PKP1: variants seen among roughly 807,000 people sequenced by gnomAD.
PKP1 encodes the protein plakophilin-1.
PKP1 carries 27 observed loss-of-function variants against 76.4 expected under a neutral mutation model. That is an observed-to-expected ratio of 0.35 (90% confidence interval 0.26 to 0.49). PKP1 has a LOEUF of 0.49. Ranked by LOEUF, PKP1 falls within the 20% of genes least tolerant of loss-of-function variation. The probability of loss-of-function intolerance (pLI) is 0.99; values close to 1 mark genes in which losing one functional copy is unlikely to be tolerated. For missense variants in PKP1, 964 were observed against 955.2 expected, an observed-to-expected ratio of 1.01 and a Z score of -0.12; for synonymous variants, 404 against 384.2, an observed-to-expected ratio of 1.05 and a Z score of -0.60.
chr1:201,316,109 T>TGGACGGACGGAC (rs1333033613), intron 3 of PKP1: 1 of 114,314 alleles, frequency 8.7e-6, no homozygotes, highest in South Asian at 2.1e-4. Context: ...GATGGACAGA[T>TGGACGGACGGAC]GGATGGACGG....
At position 201,283,517 on chromosome 1, in the gene PKP1, G is replaced by A. The variant is rs1364086657; in HGVS notation, c.-186G>A. 1.5e-6 allele frequency: 1 copy of A among 657,414 alleles called. No individual in the cohort carries two copies. Among genetic ancestry groups the A allele is most frequent in the African/African-American group, 1.8e-5 (1 of 56,312 alleles). The allele number at this position is 657,414 out of a possible 1,614,324, so 40.7% of individuals were successfully genotyped here. On this transcript the variant is annotated 5_prime_UTR_variant, in exon 1 of 14. Transcript: ENST00000367324. ...GGGCGGGCCTCGCCAGTGCCAGAGA[G>A]GGACGAACCAGGGTGGAAGCGCCAG...
intron 9 of PKP1, 59 bp downstream of exon 9, chr1:201,323,248 C>G: frequency 6.6e-7 from 1 of 1,511,586 alleles, no homozygotes; most frequent in Admixed American, 1.7e-5. Flanking sequence ...ACCGTCCAGC[C>G]TCTGCTCCCT....
intron 2 of PKP1, among the ~76,000 whole-genome samples, chr1:201,311,035 G>A (rs1772849): frequency 0.5 from 75,662 of 152,172 alleles, 22,835 homozygotes; most frequent in East Asian, 0.74. Context: ...GAGTGTTTGG[G>A]CTTCTCATTA....
intron 5 of PKP1, 136 bp downstream of exon 5, chr1:201,317,915 TC>T (rs1656812778): frequency 1.2e-6 from 1 of 855,744 alleles, no homozygotes; most frequent in African/African-American, 1.7e-5. Flanking sequence ...AGGGCTAATA[TC>T]CTGAGAGTTT....
chr1:201,284,045 G>C, intron 1 of PKP1, 141 bp downstream of exon 1: 3 of 805,584 alleles, frequency 3.7e-6, no homozygotes, highest in Non-Finnish European at 6.2e-6. Flanking sequence ...TACGCACCTA[G>C]TGCGAGCAGC....
In PKP1 at chr1:201,324,626, G is replaced by C. The variant is rs373068312; in HGVS notation, c.1834+45G>C. On this transcript the variant is annotated intron_variant, in intron 10 of 13. Coordinates refer to ENST00000367324, the MANE Select transcript of PKP1 (RefSeq NM_001005337.3). ...TCCCCCTCTAGCTAAGACATGGCAG[G>C]CTCCCTACAATTCAAGCCTGCTTGA... The C allele has an allele frequency of 2.7e-5, 43 of 1,606,780 alleles. No individual in the cohort carries two copies. The African/African-American group carries it at 4.4e-4, about 16-fold the overall frequency.
intron 2 of PKP1, 140 bp downstream of exon 2, chr1:201,294,185 TA>T: frequency 1.4e-6 from 1 of 706,824 alleles, no homozygotes; most frequent in South Asian, 1.5e-5. Flanking sequence ...CAACTCTGAC[TA>T]GGTCTGTTGA....
chr1:201,329,062 G>A (rs1203372762), intron 13 of PKP1, among the ~76,000 whole-genome samples, 194 bp downstream of exon 13: 1 of 152,166 alleles, frequency 6.6e-6, no homozygotes, highest in African/African-American at 2.4e-5. Context: ...CGTTAGGGGT[G>A]TATAATGTCC....
chr1:201,286,414 T>A (rs538050310), intron 1 of PKP1, among the ~76,000 whole-genome samples: 1 of 152,284 alleles, frequency 6.6e-6, no homozygotes, highest in East Asian at 1.9e-4. Context: ...GGAAGGACAG[T>A]CAGGACCAGC....
At chr1:201,324,659 C>A in intron 10 of PKP1, 78 bp downstream of exon 10, 1 of 1,545,834 alleles carries the variant, frequency 6.5e-7, no homozygotes, top group Non-Finnish European at 8.9e-7. Context: ...TGAAGGTCAT[C>A]CTTTAAGCCA....
intron 1 of PKP1, among the ~76,000 whole-genome samples, chr1:201,291,862 C>T (rs1006136745): frequency 6.6e-6 from 1 of 152,216 alleles, no homozygotes; most frequent in African/African-American, 2.4e-5. Flanking sequence ...CTGGCTGCAG[C>T]CCCCTTCCTT....
chr1:201,306,558 T>C (rs1298419207), intron 2 of PKP1, among the ~76,000 whole-genome samples: 1 of 152,266 alleles, frequency 6.6e-6, no homozygotes, highest in African/African-American at 2.4e-5. Context: ...CATTTGTTAA[T>C]ACTGGCATGA....
intron 5 of PKP1, among the ~76,000 whole-genome samples, chr1:201,318,308 C>T (rs138390825): frequency 2.0e-5 from 3 of 152,308 alleles, no homozygotes; most frequent in African/African-American, 7.2e-5. Context: ...TTAGAAGACT[C>T]CAAGTGCTAA....
At chr1:201,301,595 C>T (rs1410109530) in intron 2 of PKP1, among the ~76,000 whole-genome samples, 1 of 152,130 alleles carries the variant, frequency 6.6e-6, no homozygotes, top group African/African-American at 2.4e-5. Flanking sequence ...GAGAAGGAAG[C>T]TTCTGGATGA....
chr1:201,325,138 G>C lies in PKP1; in HGVS notation c.2021+11G>C, dbSNP rs767730262. On this transcript the variant is annotated intron_variant, in intron 11 of 13. Transcript: ENST00000367324. ...CCTGTGCCGAAGCAGGTGGGCGGGG[G>C]GTTGCTCCCACGGGCTGCACCCCAA... The C allele has an allele frequency of 6.2e-7, 1 of 1,612,888 alleles. No homozygotes were observed. Among genetic ancestry groups the C allele is most frequent in the South Asian group, 1.1e-5 (1 of 90,974 alleles).
intron 2 of PKP1, among the ~76,000 whole-genome samples, chr1:201,302,467 G>C (rs576140039): frequency 5.6e-4 from 85 of 152,304 alleles, no homozygotes; most frequent in Non-Finnish European, 9.3e-4. Context: ...AGTCCTGGGG[G>C]TATCTTCTGG....
chr1:201,285,220 CCACACACACACACACACACACA>C (rs140683611), intron 1 of PKP1, among the ~76,000 whole-genome samples: 1 of 136,846 alleles, frequency 7.3e-6, no homozygotes, highest in South Asian at 2.6e-4. Flanking sequence ...GGCCCTTCCA[CCACACACACACACACACACACA>C]CACACACACA....
At chr1:201,293,781 G>A (rs1655994602) in intron 1 of PKP1, among the ~76,000 whole-genome samples, 161 bp from the exon 2 acceptor site, 1 of 152,190 alleles carries the variant, frequency 6.6e-6, no homozygotes, top group African/African-American at 2.4e-5. Context: ...GGAGGATGTG[G>A]AGATAGATGG....
chr1:201,328,941 G>A, intron 13 of PKP1, 73 bp downstream of exon 13: 1 of 948,544 alleles, frequency 1.1e-6, no homozygotes, highest in Non-Finnish European at 1.7e-6. Flanking sequence ...AGAGACAAGG[G>A]CTAGGCCTGT....
Sources: allele counts gnomAD v4.1 joint callset (sites outside exome capture counted in the v4.1 genomes callset), GRCh38; gene constraint gnomAD v4.1.1; transcripts MANE v1.5; gene names NCBI Gene and HGNC (gene_info 2026-07-23, HGNC 2026-07-21).